The following DOCK5 variants were observed in gnomAD, a reference collection of about 807,000 sequenced individuals.
The protein encoded by DOCK5 is dedicator of cytokinesis protein 5.
DOCK5 carries 142 observed loss-of-function variants against 251.8 expected under a neutral mutation model. That is an observed-to-expected ratio of 0.56 (90% CI 0.49 to 0.65). The LOEUF (loss-of-function observed/expected upper bound fraction) is 0.65. Ranked by LOEUF, DOCK5 falls within the 30% of genes least tolerant of loss-of-function variation. The probability of loss-of-function intolerance (pLI) is 0.00; values close to 1 mark genes in which losing one functional copy is unlikely to be tolerated. For synonymous variants in DOCK5, 842 were observed against 835.5 expected, an observed-to-expected ratio of 1.01 and a Z score of -0.13; for missense variants, 2,111 against 2,312.3, an observed-to-expected ratio of 0.91 and a Z score of 1.79.
chr8:25,333,979 GA>G (rs2117220320), intron 20 of DOCK5, 116 bp from the exon 21 acceptor site: 2 of 731,058 alleles, frequency 2.7e-6, no homozygotes, highest in Non-Finnish European at 4.9e-6. Flanking sequence ...AGTAGAGTGG[GA>G]ATGCTGCAGA....
chr8:25,281,985 A>C (rs1804207170), intron 5 of DOCK5, among the ~76,000 whole-genome samples: 1 of 151,840 alleles, frequency 6.6e-6, no homozygotes, highest in African/African-American at 2.4e-5. Flanking sequence ...GGTATTTGTG[A>C]ATAATTTAAA....
chr8:25,230,062 G>T (rs1016792559), intron 1 of DOCK5, among the ~76,000 whole-genome samples: 12 of 152,130 alleles, frequency 7.9e-5, no homozygotes, highest in Admixed American at 7.2e-4. Context: ...TAGAGCCAGG[G>T]TTGGACATAA....
intron 2 of DOCK5, 110 bp downstream of exon 2, chr8:25,243,867 T>G (rs1803025249): frequency 9.4e-7 from 1 of 1,060,066 alleles, no homozygotes; most frequent in Non-Finnish European, 1.4e-6. Flanking sequence ...CCTGAAACAG[T>G]GCTAGTAAAA....
At chr8:25,375,980 C>T (rs950836971) in intron 37 of DOCK5, 6 of 756,704 alleles carry the variant, frequency 7.9e-6, no homozygotes, top group Non-Finnish European at 9.7e-6. Flanking sequence ...TGCCTGTAGT[C>T]CCAGCTACTC....
chr8:25,414,299 G>A lies in DOCK5; in HGVS notation c.*3001G>A, dbSNP rs1280152609. The A allele has an allele frequency of 6.6e-6, 1 of 152,176 alleles. No homozygotes were observed. Among genetic ancestry groups the A allele is most frequent in the African/African-American group, 2.4e-5 (1 of 41,428 alleles). 9.4% of individuals were successfully genotyped at this position (152,176 alleles called of 1,614,324 possible). ...GTATACAAAGACAGTTCACTCTGGTGTGCTGTAGGATTGGAAAGGGAGTGG... is the reference window on the plus strand; with the variant it reads ...GTATACAAAGACAGTTCACTCTGGTATGCTGTAGGATTGGAAAGGGAGTGG... On this transcript the variant is annotated 3_prime_UTR_variant, in exon 52 of 52. Coordinates refer to ENST00000276440, the MANE Select transcript of DOCK5 (RefSeq NM_024940.8).
intron 40 of DOCK5, 136 bp from the exon 41 acceptor site, chr8:25,388,955 T>C: frequency 1.3e-6 from 1 of 777,630 alleles, no homozygotes; most frequent in Non-Finnish European, 2.0e-6. Flanking sequence ...AGGCAAGGAC[T>C]AGATTTTCAG....
chr8:25,310,886 T>C (rs1332435540), intron 13 of DOCK5, among the ~76,000 whole-genome samples: 1 of 152,080 alleles, frequency 6.6e-6, no homozygotes, highest in Non-Finnish European at 1.5e-5. Flanking sequence ...ATAACTCAAA[T>C]TTTCTTACTC....
At chr8:25,349,271 G>A (rs143316555) in intron 26 of DOCK5, among the ~76,000 whole-genome samples, 285 of 152,266 alleles carry the variant, frequency 1.9e-3, no homozygotes, top group Non-Finnish European at 3.1e-3. Context: ...CAAATTATTA[G>A]TACGACGACT....
intron 5 of DOCK5, among the ~76,000 whole-genome samples, chr8:25,289,706 G>A (rs1804437709): frequency 6.6e-6 from 1 of 151,950 alleles, no homozygotes; most frequent in Non-Finnish European, 1.5e-5. Context: ...GCTGGGCGTG[G>A]TGGCGCATGC....
chr8:25,302,534 C>T, intron 10 of DOCK5, 80 bp downstream of exon 10: 2 of 1,417,962 alleles, frequency 1.4e-6, no homozygotes, highest in South Asian at 1.5e-5. Flanking sequence ...AAAAATTAAA[C>T]ATGGAACTAG....
intron 11 of DOCK5, 82 bp from the exon 12 acceptor site, chr8:25,308,701 A>G (rs1805009944): frequency 2.0e-6 from 3 of 1,493,256 alleles, no homozygotes; most frequent in Non-Finnish European, 2.8e-6. Context: ...TTATTCCTAT[A>G]TGACTCACCA....
Position 25,209,208 on chromosome 8 carries a change from C to G in DOCK5, c.43+24257C>G, listed in dbSNP as rs984916842. ...CGTCATCCCTGTCTGATGTTCTCAC[C>G]ACACGCAAGTTCGTGAATAATTAAA... On this transcript the variant is annotated intron_variant, in intron 1 of 51. Transcript: ENST00000276440. 1.1e-4 allele frequency among the ~76,000 whole-genome samples: 2 copies of G among 18,782 alleles called. 1 individual carries two copies. Among genetic ancestry groups the G allele is most frequent in the Non-Finnish European group, 8.7e-4 (2 of 2,290 alleles). 12.3% of individuals were successfully genotyped at this position (18,782 alleles called of 152,430 possible). A position where few individuals can be genotyped will look rare whatever the true frequency, so the allele number is the denominator to read the frequency against.
At chr8:25,318,280 G>A (rs1224434126) in intron 14 of DOCK5, among the ~76,000 whole-genome samples, 7 of 151,744 alleles carry the variant, frequency 4.6e-5, no homozygotes, top group Non-Finnish European at 1.0e-4. Context: ...TAGTAGAGAC[G>A]GGGTTTCACT....
chr8:25,391,800 C>G lies in DOCK5; in HGVS notation c.4356-96C>G. ...ATGAGATAGCTTAGTGGGTAAAACT[C>G]AGACCAGGCAGATGTGTTATAGGTT... On this transcript the variant is annotated intron_variant, in intron 42 of 51. Transcript: ENST00000276440. 2.8e-6 allele frequency: 3 copies of G among 1,067,282 alleles called. No individual in the cohort carries two copies. The South Asian group carries it at 4.6e-5, about 16-fold the overall frequency. 66.1% of individuals were successfully genotyped at this position (1,067,282 alleles called of 1,614,324 possible).
intron 5 of DOCK5, among the ~76,000 whole-genome samples, chr8:25,282,627 G>A (rs895488074): frequency 6.6e-6 from 1 of 152,050 alleles, no homozygotes; most frequent in African/African-American, 2.4e-5. Flanking sequence ...GGGAGGTCAA[G>A]CCTGGGGGAT....
intron 2 of DOCK5, among the ~76,000 whole-genome samples, chr8:25,253,745 A>G (rs1466125892): frequency 6.6e-6 from 1 of 152,230 alleles, no homozygotes; most frequent in Non-Finnish European, 1.5e-5. Flanking sequence ...TGATGAAAGA[A>G]TTTGAAATAC....
At chr8:25,311,172 TAAGAA>T (rs1424689525) in intron 13 of DOCK5, among the ~76,000 whole-genome samples, 1 of 152,168 alleles carries the variant, frequency 6.6e-6, no homozygotes, top group Admixed American at 6.5e-5. Context: ...ATCTCCATAC[TAAGAA>T]AAGGGAATTG....
intron 27 of DOCK5, among the ~76,000 whole-genome samples, chr8:25,358,058 C>A (rs976827288): frequency 2.0e-5 from 3 of 152,132 alleles, no homozygotes; most frequent in Non-Finnish European, 2.9e-5. Context: ...GTTGGAACAA[C>A]TGGCTGAAGG....
chr8:25,374,449 C>T (rs750061814), intron 36 of DOCK5, 115 bp from the exon 37 acceptor site: 529 of 968,004 alleles, frequency 5.5e-4, no homozygotes, highest in Non-Finnish European at 7.5e-4. Context: ...GAGCCATGAT[C>T]GGACCACTGC....
Sources: gnomAD v4.1 joint callset for allele counts (sites outside exome capture counted in the v4.1 genomes callset) on GRCh38, gnomAD v4.1.1 for gene constraint, MANE v1.5 for transcripts, NCBI Gene and HGNC (gene_info 2026-07-23, HGNC 2026-07-21) for gene names.